Variants in TRABD2B observed in about 807,000 individuals in gnomAD.
TRABD2B encodes the protein TraB domain containing 2B, also known as metalloprotease TIKI2.
TRABD2B carries 14 observed loss-of-function variants against 40.1 expected under a neutral mutation model. The ratio of observed to expected loss-of-function variants is 0.35; its 90% CI spans 0.23 to 0.55. The LOEUF is 0.55. Among genes scored for constraint, TRABD2B ranks in the 20% least tolerant of loss-of-function variants. The probability of loss-of-function intolerance (pLI) is 0.90; values close to 1 mark genes in which losing one functional copy is unlikely to be tolerated. For missense variants in TRABD2B, 541 were observed against 648.6 expected (o/e 0.83, Z 1.80); for synonymous variants, 263 against 277.0 (o/e 0.95, Z 0.50).
chr1:47,947,827 C>A (rs1363787573), intron 2 of TRABD2B, among the ~76,000 whole-genome samples: 1 of 152,160 alleles, frequency 6.6e-6, no homozygotes, highest in Non-Finnish European at 1.5e-5. Flanking sequence ...GGGTGATTAC[C>A]CGCACTTTAT....
chr1:47,971,440 A>T (rs927252175), intron 2 of TRABD2B, among the ~76,000 whole-genome samples: 5 of 152,196 alleles, frequency 3.3e-5, no homozygotes, highest in African/African-American at 1.2e-4. Flanking sequence ...CTTGGAAATG[A>T]TCTCTCTCGC....
chr1:47,871,009 TC>T (rs1488699872), intron 2 of TRABD2B, among the ~76,000 whole-genome samples: 1 of 152,174 alleles, frequency 6.6e-6, no homozygotes, highest in African/African-American at 2.4e-5. Flanking sequence ...ATAATCATAA[TC>T]AGGGTAATAA....
Position 47,996,681 on chromosome 1 carries a change from C to A in TRABD2B, c.102+7G>T. 8.1e-7 allele frequency: 1 copy of A among 1,229,034 alleles called. No individual in the cohort carries two copies. The highest frequency in any genetic ancestry group is 4.1e-5 in the South Asian group (1 of 24,346). The allele number at this position is 1,229,034 out of a possible 1,614,324, so 76.1% of individuals were successfully genotyped here. Reference sequence around the variant, plus strand: ...GCGGGAGAGTGGCCGGGCAGGCGCTCGCTCACCGATCCGGGCGGCCGGCAC... The same window carrying A: ...GCGGGAGAGTGGCCGGGCAGGCGCTAGCTCACCGATCCGGGCGGCCGGCAC... On this transcript the variant is annotated splice_region_variant and intron_variant, in intron 1 of 6. Transcript: ENST00000606738. The surrounding 1 kb of genome is among the most constrained non-coding windows in gnomAD (Gnocchi z 4.6).
At chr1:47,785,482 T>C (rs1644583615) in intron 4 of TRABD2B, among the ~76,000 whole-genome samples, 1 of 152,206 alleles carries the variant, frequency 6.6e-6, no homozygotes, top group Non-Finnish European at 1.5e-5. Context: ...GAAATGAAAG[T>C]GCCCCAGGTC....
intron 2 of TRABD2B, among the ~76,000 whole-genome samples, chr1:47,831,029 C>T (rs1230609861): frequency 6.6e-6 from 1 of 151,054 alleles, no homozygotes; most frequent in East Asian, 2.0e-4. Flanking sequence ...CCCGACTGAG[C>T]CACATTCCCC....
intron 2 of TRABD2B, among the ~76,000 whole-genome samples, chr1:47,950,178 G>T (rs748161696): frequency 6.6e-6 from 1 of 152,122 alleles, no homozygotes; most frequent in African/African-American, 2.4e-5. Context: ...CCAGCTACTC[G>T]GGAGGCTGAA....
At chr1:47,801,748 C>T in intron 2 of TRABD2B, 129 bp from the exon 3 acceptor site, 2 of 1,176,660 alleles carry the variant, frequency 1.7e-6, no homozygotes, top group Middle Eastern at 3.0e-4. Context: ...GGGGCTGGCA[C>T]CAGCTGGCTC....
At chr1:47,965,203 G>GGGGGGGGGGAC (rs1645581831) in intron 2 of TRABD2B, among the ~76,000 whole-genome samples, 1 of 102,874 alleles carries the variant, frequency 9.7e-6, no homozygotes, top group Non-Finnish European at 2.0e-5. Flanking sequence ...GCGGGGGGCG[G>GGGGGGGGGGAC]GGGGGGGTGG....
chr1:47,822,381 C>T (rs1174891151), intron 2 of TRABD2B, among the ~76,000 whole-genome samples: 5 of 152,228 alleles, frequency 3.3e-5, no homozygotes, highest in Non-Finnish European at 5.9e-5. Context: ...GCAGATACCA[C>T]CTCAACTATC....
intron 2 of TRABD2B, among the ~76,000 whole-genome samples, chr1:47,916,593 C>G (rs538612180): frequency 6.6e-6 from 1 of 152,340 alleles, no homozygotes; most frequent in Admixed American, 6.5e-5. Context: ...GAAATAACAT[C>G]TCACAGAGGG....
Position 47,801,677 on chromosome 1 carries a change from T to C in TRABD2B, c.667-58A>G, listed in dbSNP as rs1644825919. On this transcript the variant is annotated intron_variant, in intron 2 of 6. Transcript: ENST00000606738. ...GTGCTCAGGGACCCTGGCTGAGCTC[T>C]AGGACTGACCCTCCTCCCTCTGGAC... The C allele has an allele frequency of 5.3e-6, 8 of 1,507,920 alleles. No homozygotes were observed. The East Asian group carries it at 1.7e-4, about 33-fold the overall frequency. 93.4% of individuals were successfully genotyped at this position (1,507,920 alleles called of 1,614,324 possible).
chr1:47,811,248 C>A (rs1378293207), intron 2 of TRABD2B, among the ~76,000 whole-genome samples: 1 of 152,038 alleles, frequency 6.6e-6, no homozygotes, highest in African/African-American at 2.4e-5. Context: ...CTCTGCCCTC[C>A]TCCCTTCCCC....
intron 2 of TRABD2B, among the ~76,000 whole-genome samples, chr1:47,929,458 CTTCCT>C: frequency 6.6e-6 from 1 of 152,356 alleles, no homozygotes; most frequent in South Asian, 2.1e-4. Context: ...AAGAATACTT[CTTCCT>C]TGCTCCCCAT....
intron 2 of TRABD2B, among the ~76,000 whole-genome samples, chr1:47,876,259 C>CAAATCA (rs1213859402): frequency 3.3e-5 from 5 of 152,138 alleles, no homozygotes; most frequent in African/African-American, 1.2e-4. Context: ...TGAGAAAAAT[C>CAAATCA]AAATCAAATA....
At chr1:47,804,030 G>A (rs1207396440) in intron 2 of TRABD2B, among the ~76,000 whole-genome samples, 1 of 152,296 alleles carries the variant, frequency 6.6e-6, no homozygotes, top group African/African-American at 2.4e-5. Context: ...TACTAACATA[G>A]GCAACAGGGC....
At chr1:47,794,028 T>A (rs940096574) in intron 4 of TRABD2B, among the ~76,000 whole-genome samples, 1 of 152,248 alleles carries the variant, frequency 6.6e-6, no homozygotes, top group African/African-American at 2.4e-5. Context: ...AGGTTATTTT[T>A]AAAATATTAT....
intron 2 of TRABD2B, among the ~76,000 whole-genome samples, chr1:47,852,612 C>T (rs74459483): frequency 1.8e-3 from 274 of 152,310 alleles, no homozygotes; most frequent in African/African-American, 6.0e-3. Flanking sequence ...TCTCAAAGCA[C>T]GCTGTGATTG....
At chr1:47,880,659 T>C (rs1376888887) in intron 2 of TRABD2B, among the ~76,000 whole-genome samples, 1 of 152,188 alleles carries the variant, frequency 6.6e-6, no homozygotes, top group Non-Finnish European at 1.5e-5. Context: ...GGTTCTCCTC[T>C]GCCCCTCCGT....
In TRABD2B at chr1:47,764,464, TCTCTCGGAGTCCCTGTCACCTGC is replaced by T. The variant is rs1267848153; in HGVS notation, c.*1415_*1437del. On this transcript the variant is annotated 3_prime_UTR_variant, in exon 7 of 7. Coordinates refer to ENST00000606738, the MANE Select transcript of TRABD2B (RefSeq NM_001194986.2). ...ACCTTGAGGAGCCGAGGGGCTAAAG[TCTCTCGGAGTCCCTGTCACCTGC>T]CTCCCCACTTGGCTGCTGTGCCTCC... 6.6e-6 allele frequency: 1 copy of T among 152,124 alleles called. No individual in the cohort carries two copies. Among genetic ancestry groups the T allele is most frequent in the Non-Finnish European group, 1.5e-5 (1 of 68,030 alleles). 9.4% of individuals were successfully genotyped at this position (152,124 alleles called of 1,614,324 possible). A position where few individuals can be genotyped will look rare whatever the true frequency, so the allele number is the denominator to read the frequency against.
Sources: gnomAD v4.1 joint callset for allele counts (sites outside exome capture counted in the v4.1 genomes callset) on GRCh38, gnomAD v4.1.1 for gene constraint, Gnocchi (gnomAD v3.1) non-coding constraint, MANE v1.5 for transcripts, NCBI Gene and HGNC (gene_info 2026-07-23, HGNC 2026-07-21) for gene names.